Variants in PRKG1 observed in about 807,000 individuals in gnomAD.
The protein encoded by PRKG1 is cGMP-dependent protein kinase 1.
In PRKG1, 35 loss-of-function variants were observed where a neutral mutation model predicts 88.1. The ratio of observed to expected loss-of-function variants is 0.40; its 90% CI spans 0.30 to 0.53. PRKG1 has a LOEUF of 0.53. Ranked by LOEUF, PRKG1 falls within the 20% of genes least tolerant of loss-of-function variation. The pLI is 0.59. For missense variants in PRKG1, 540 were observed against 839.8 expected (o/e 0.64, Z 4.41); for synonymous variants, 303 against 292.5 (o/e 1.04, Z -0.37).
At chr10:52,141,495 C>T (rs536829895) in intron 8 of PRKG1, among the ~76,000 whole-genome samples, 35 of 152,186 alleles carry the variant, frequency 2.3e-4, no homozygotes, top group African/African-American at 8.2e-4. Flanking sequence ...CCAGAGCTTA[C>T]TGGTTACCTG....
chr10:51,788,588 C>T (rs2186145), intron 3 of PRKG1, among the ~76,000 whole-genome samples: 5,778 of 152,146 alleles, frequency 0.038, 345 homozygotes, highest in African/African-American at 0.13. Flanking sequence ...TCTACTAGCG[C>T]CTAGAAAATA....
rs145932285 is a variant in PRKG1 at position 52,029,347 on chromosome 10, T to C, written c.763-25137T>C. ...GGATTCACAAATCTCTCCACCAAGC[T>C]CACAGTAAACATGAAAGTGCTATTA... On this transcript the variant is annotated intron_variant, in intron 5 of 17. Transcript: ENST00000373980. Among the ~76,000 whole-genome samples, 570 of 152,152 alleles carry C rather than the reference T, an allele frequency of 3.7e-3. 3 individuals are homozygous for C. The highest frequency in any genetic ancestry group is 0.013 in the African/African-American group (550 of 41,502).
intron 3 of PRKG1, among the ~76,000 whole-genome samples, chr10:51,566,573 G>A (rs904093033): frequency 6.6e-6 from 1 of 152,076 alleles, no homozygotes; most frequent in African/African-American, 2.4e-5. Context: ...TGAAAAGAAT[G>A]TAATGGGGTT....
chr10:51,139,567 A>G (rs1401325260), intron 1 of PRKG1, among the ~76,000 whole-genome samples: 1 of 152,158 alleles, frequency 6.6e-6, no homozygotes, highest in Non-Finnish European at 1.5e-5. Flanking sequence ...GTCTAAGTCT[A>G]AACAACCAAT....
chr10:51,663,013 GT>G (rs1840337467), intron 3 of PRKG1, among the ~76,000 whole-genome samples: 1 of 152,084 alleles, frequency 6.6e-6, no homozygotes, highest in Non-Finnish European at 1.5e-5. Context: ...ACTACCAAAT[GT>G]TTCGGAGCAA....
chr10:51,041,258 A>G (rs559889091), intron 1 of PRKG1, among the ~76,000 whole-genome samples: 42 of 152,282 alleles, frequency 2.8e-4, no homozygotes, highest in African/African-American at 9.1e-4. Flanking sequence ...TGGAAATGAC[A>G]TTCAGAAGCC....
chr10:52,184,943 G>C (rs1043105922), intron 9 of PRKG1: 4 of 152,132 alleles, frequency 2.6e-5, no homozygotes, highest in Admixed American at 2.6e-4. Flanking sequence ...CCTCCTACCA[G>C]GCTCCACCTC....
intron 2 of PRKG1, among the ~76,000 whole-genome samples, chr10:51,310,672 C>A (rs1046090932): frequency 1.2e-4 from 18 of 152,036 alleles, no homozygotes; most frequent in African/African-American, 3.9e-4. Context: ...TTTCTGTATA[C>A]TTTTTTTCTC....
chr10:51,985,766 T>G (rs918736634), intron 5 of PRKG1, among the ~76,000 whole-genome samples: 59 of 152,326 alleles, frequency 3.9e-4, no homozygotes, highest in African/African-American at 1.3e-3. Context: ...TGCTTCATTC[T>G]CTACAGTCTC....
intron 3 of PRKG1, among the ~76,000 whole-genome samples, chr10:51,578,775 A>G (rs574429154): frequency 6.6e-6 from 1 of 152,100 alleles, no homozygotes; most frequent in East Asian, 1.9e-4. Flanking sequence ...CTAGCTCTGT[A>G]TGCAAGTTTA....
At chr10:51,146,744 G>C (rs559278664) in intron 1 of PRKG1, among the ~76,000 whole-genome samples, 1 of 152,060 alleles carries the variant, frequency 6.6e-6, no homozygotes, top group African/African-American at 2.4e-5. Context: ...TTGAGTTGAT[G>C]TTTTGTATAT....
intron 9 of PRKG1, among the ~76,000 whole-genome samples, chr10:52,247,868 G>A (rs1235959688): frequency 2.6e-5 from 4 of 152,158 alleles, no homozygotes; most frequent in African/African-American, 4.8e-5. Context: ...GAAATATAGA[G>A]GTGTGAAGTG....
At chr10:51,139,718 A>G (rs1464214419) in intron 1 of PRKG1, among the ~76,000 whole-genome samples, 2 of 152,146 alleles carry the variant, frequency 1.3e-5, no homozygotes, top group African/African-American at 2.4e-5. Flanking sequence ...CTCTGCTGTC[A>G]CCATCCTAAT....
At chr10:51,742,325 G>A (rs572299450) in intron 3 of PRKG1, among the ~76,000 whole-genome samples, 5 of 152,146 alleles carry the variant, frequency 3.3e-5, no homozygotes, top group South Asian at 2.1e-4. Context: ...TTACATTTTC[G>A]GAAGATTTAC....
At chr10:51,820,773 A>T (rs1045460126) in intron 4 of PRKG1, among the ~76,000 whole-genome samples, 1 of 152,196 alleles carries the variant, frequency 6.6e-6, no homozygotes, top group African/African-American at 2.4e-5. Flanking sequence ...GATAAAGAAG[A>T]TTCTCATAGA....
chr10:52,129,133 C>A (rs1476463017), intron 7 of PRKG1, among the ~76,000 whole-genome samples: 1 of 152,194 alleles, frequency 6.6e-6, no homozygotes, highest in African/African-American at 2.4e-5. Context: ...TTTCTCCTCT[C>A]TTTCCTTGTC....
intron 5 of PRKG1, among the ~76,000 whole-genome samples, chr10:52,033,127 G>A (rs892438530): frequency 2.0e-5 from 3 of 152,154 alleles, no homozygotes; most frequent in Non-Finnish European, 2.9e-5. Context: ...ATGGATATAT[G>A]AGCCCAAATG....
At chr10:51,712,127 G>A (rs530484813) in intron 3 of PRKG1, among the ~76,000 whole-genome samples, 86 of 152,272 alleles carry the variant, frequency 5.6e-4, no homozygotes, top group African/African-American at 2.1e-3. Context: ...GATGAAGATT[G>A]GATAGTCATG....
At chr10:52,280,660 T>C in intron 12 of PRKG1, 129 bp from the exon 13 acceptor site, 1 of 958,080 alleles carries the variant, frequency 1.0e-6, no homozygotes, top group Non-Finnish European at 1.5e-6. Flanking sequence ...ATGTAACATT[T>C]AGCTAGCAGG....
Sources: gnomAD v4.1 joint callset for allele counts (sites outside exome capture counted in the v4.1 genomes callset) on GRCh38, gnomAD v4.1.1 for gene constraint, MANE v1.5 for transcripts, NCBI Gene and HGNC (gene_info 2026-07-23, HGNC 2026-07-21) for gene names.